TXNDC16: variants seen among roughly 807,000 people sequenced by gnomAD.
The protein encoded by TXNDC16 is thioredoxin domain containing 16.
Under a neutral mutation model 85.6 loss-of-function variants are expected in TXNDC16, and 74 were observed. That is an observed-to-expected ratio of 0.86 (90% CI 0.72 to 1.05). The LOEUF (loss-of-function observed/expected upper bound fraction) is 1.05, where lower values mean the gene tolerates loss of function less well. Ranked by LOEUF, TXNDC16 falls within the 50% of genes least tolerant of loss-of-function variation. The probability of loss-of-function intolerance (pLI) is 0.00; values close to 1 mark genes in which losing one functional copy is unlikely to be tolerated. For synonymous variants in TXNDC16, 335 were observed against 326.5 expected, an observed-to-expected ratio of 1.03 and a Z score of -0.28; for missense variants, 959 against 947.0, an observed-to-expected ratio of 1.01 and a Z score of -0.17.
intron 1 of TXNDC16, among the ~76,000 whole-genome samples, chr14:52,548,525 C>T (rs1239549084): frequency 4.9e-4 from 74 of 152,256 alleles, no homozygotes; most frequent in Admixed American, 4.8e-3. Context: ...GAACAGTTTG[C>T]TGTTTGCTCA....
chr14:52,533,005 G>C (rs2037618440), intron 6 of TXNDC16, among the ~76,000 whole-genome samples: 1 of 152,104 alleles, frequency 6.6e-6, no homozygotes, highest in African/African-American at 2.4e-5. Context: ...CAAAAATGAG[G>C]ACACTGCCTC....
chr14:52,521,089 A>C (rs1193455337), intron 6 of TXNDC16, among the ~76,000 whole-genome samples: 1 of 152,022 alleles, frequency 6.6e-6, no homozygotes, highest in Non-Finnish European at 1.5e-5. Context: ...ATAAAACCAA[A>C]GGAAAACTTA....
At position 52,472,952 on chromosome 14, in the gene TXNDC16, T is replaced by A. The variant is rs1025652330; in HGVS notation, c.1313-2272A>T. ...TGTCTTCCCTTCTCTGCCAGCCATG[T>A]GTGCTGTAAGGAGCAGACAAGATGG... On this transcript the variant is annotated intron_variant, in intron 14 of 20. Coordinates refer to ENST00000281741, the MANE Select transcript of TXNDC16 (RefSeq NM_020784.3). Among the ~76,000 whole-genome samples the A allele has an allele frequency of 2.6e-5, 4 of 152,164 alleles. No individual in the cohort carries two copies. The South Asian group carries it at 6.2e-4, about 24-fold the overall frequency.
chr14:52,551,752 T>C (rs1197638329), intron 1 of TXNDC16, among the ~76,000 whole-genome samples: 1 of 151,534 alleles, frequency 6.6e-6, no homozygotes, highest in African/African-American at 2.4e-5. Context: ...ACAGCATGTA[T>C]TTTCTCTCTC....
chr14:52,458,533 C>T (rs564620167), intron 16 of TXNDC16, among the ~76,000 whole-genome samples: 134 of 151,422 alleles, frequency 8.8e-4, no homozygotes, highest in African/African-American at 2.7e-3. Flanking sequence ...GGCCACAGAG[C>T]GAGACTCTGT....
In TXNDC16 at chr14:52,430,743, T is replaced by C. The variant is rs1285338035; in HGVS notation, c.*1561A>G. 2 of 152,244 alleles carry C rather than the reference T, an allele frequency of 1.3e-5. No homozygotes were observed. The highest frequency in any genetic ancestry group is 4.8e-5 in the African/African-American group (2 of 41,470). The allele number at this position is 152,244 out of a possible 1,614,324, so 9.4% of individuals were successfully genotyped here. On this transcript the variant is annotated 3_prime_UTR_variant, in exon 21 of 21. Transcript: ENST00000281741. Reference sequence around the variant, plus strand: ...TTTCTAATAATTAGGCTAATGATGTTTTATTACTACAACCTATATTTAGAG... The same window carrying C: ...TTTCTAATAATTAGGCTAATGATGTCTTATTACTACAACCTATATTTAGAG...
At chr14:52,542,319 A>T (rs928287039) in intron 4 of TXNDC16, 52 bp downstream of exon 4, 13 of 1,189,806 alleles carry the variant, frequency 1.1e-5, no homozygotes, top group Non-Finnish European at 1.6e-5. Context: ...TTAAGCCATA[A>T]AGTTGTAAGA....
At chr14:52,494,427 C>A (rs540635123) in intron 9 of TXNDC16, among the ~76,000 whole-genome samples, 1 of 152,286 alleles carries the variant, frequency 6.6e-6, no homozygotes, top group African/African-American at 2.4e-5. Flanking sequence ...ATGAGAACAA[C>A]CCCTGTCCAA....
intron 8 of TXNDC16, among the ~76,000 whole-genome samples, chr14:52,514,617 C>G (rs1023954647): frequency 6.6e-6 from 1 of 152,112 alleles, no homozygotes; most frequent in Admixed American, 6.6e-5. Context: ...TAAGATATCC[C>G]GCTTGGCCAC....
intron 7 of TXNDC16, 38 bp downstream of exon 7, chr14:52,519,134 G>A: frequency 6.3e-7 from 1 of 1,588,990 alleles, no homozygotes. Context: ...CATAAGTACA[G>A]AGGCACAGCA....
intron 19 of TXNDC16, 69 bp from the exon 20 acceptor site, chr14:52,439,463 T>C (rs2035116076): frequency 1.4e-6 from 2 of 1,380,052 alleles, no homozygotes; most frequent in Non-Finnish European, 2.0e-6. Flanking sequence ...TAGTAATTCG[T>C]AGAACATTAA....
At chr14:52,525,230 C>T (rs913597060) in intron 6 of TXNDC16, among the ~76,000 whole-genome samples, 3 of 151,998 alleles carry the variant, frequency 2.0e-5, no homozygotes, top group Admixed American at 6.6e-5. Context: ...ATAAAACTTC[C>T]TGCATTTATA....
At chr14:52,432,884 A>T (rs972053875) in intron 20 of TXNDC16, among the ~76,000 whole-genome samples, 1 of 152,190 alleles carries the variant, frequency 6.6e-6, no homozygotes, top group Non-Finnish European at 1.5e-5. Flanking sequence ...AACCTTTGCT[A>T]AGGTTTTCAA....
rs765365406 is a variant in TXNDC16, at chr14:52,488,468, A to G, written c.1003T>C (p.Leu335=). Residue 335 remains leucine (L), a synonymous_variant, in exon 12 of 21, where the codon TTG becomes CTG. Transcript: ENST00000281741. ...RAEEGVPVEF[L]VLHDVDLIIS... is the part of the protein sequence containing the mutation. Reference sequence around the variant, plus strand: ...ATTAAATCAACATCATGTAATACCAAAAATTCCACTGGAACTCCCTAGAAA... The same window carrying G: ...ATTAAATCAACATCATGTAATACCAGAAATTCCACTGGAACTCCCTAGAAA... 2 of 1,600,334 alleles carry G rather than the reference A, an allele frequency of 1.2e-6. No homozygotes were observed. The highest frequency in any genetic ancestry group is 1.7e-5 in the Admixed American group (1 of 59,518).
chr14:52,442,079 TAAAAG>T (rs1268620250), intron 18 of TXNDC16, among the ~76,000 whole-genome samples: 3 of 151,894 alleles, frequency 2.0e-5, no homozygotes, highest in African/African-American at 4.8e-5. Flanking sequence ...AGAAAAAAAA[TAAAAG>T]AGAATAACCA....
At position 52,489,819 on chromosome 14, in the gene TXNDC16, T is replaced by C. The variant is rs1370651956; in HGVS notation, c.984+572A>G. On this transcript the variant is annotated intron_variant, in intron 11 of 20. Coordinates refer to ENST00000281741, the MANE Select transcript of TXNDC16 (RefSeq NM_020784.3). The stretch of plus-strand genomic sequence containing the variant: ...ACTATTCTGTCTTTCATCACTGCTA[T>C]GGTTTGAATTCTGTTTTATCTTGTT... Among the ~76,000 whole-genome samples the C allele has an allele frequency of 2.6e-5, 4 of 152,150 alleles. No homozygotes were observed. In the East Asian group the frequency reaches 5.8e-4, roughly 22 times the overall value.
intron 6 of TXNDC16, among the ~76,000 whole-genome samples, chr14:52,526,058 C>T (rs1243814508): frequency 6.6e-6 from 1 of 151,986 alleles, no homozygotes; most frequent in Non-Finnish European, 1.5e-5. Flanking sequence ...ATGGTTGAAT[C>T]CACAGATGCA....
chr14:52,446,818 C>T (rs553344387), intron 18 of TXNDC16, among the ~76,000 whole-genome samples: 1 of 152,200 alleles, frequency 6.6e-6, no homozygotes, highest in South Asian at 2.1e-4. Flanking sequence ...CTAGATACAC[C>T]CTGGGCCAGA....
At chr14:52,433,713 C>T (rs1272115162) in intron 20 of TXNDC16, among the ~76,000 whole-genome samples, 2 of 152,294 alleles carry the variant, frequency 1.3e-5, no homozygotes, top group East Asian at 3.9e-4. Context: ...GGTACATCAG[C>T]AGGGCAATAA....
Sources: allele counts gnomAD v4.1 joint callset (sites outside exome capture counted in the v4.1 genomes callset), GRCh38; gene constraint gnomAD v4.1.1; transcripts MANE v1.5; gene names NCBI Gene and HGNC (gene_info 2026-07-23, HGNC 2026-07-21).